Variants in NELL1 observed in about 807,000 individuals in gnomAD.
NELL1 encodes the protein neural EGFL like 1.
In NELL1, 76 loss-of-function variants were observed where a neutral mutation model predicts 107.4. The observed-to-expected ratio is 0.71, with a 90% CI of 0.59 to 0.86. The LOEUF is 0.86. Among genes scored for constraint, NELL1 ranks in the 40% least tolerant of loss-of-function variants. The pLI is 0.00. For missense variants in NELL1, 1,024 were observed against 1,005.5 expected, an observed-to-expected ratio of 1.02 and a Z score of -0.25; for synonymous variants, 353 against 341.2, an observed-to-expected ratio of 1.03 and a Z score of -0.38.
chr11:21,499,432 C>T (rs1333131148), intron 15 of NELL1, among the ~76,000 whole-genome samples: 1 of 152,072 alleles, frequency 6.6e-6, no homozygotes, highest in Non-Finnish European at 1.5e-5. Context: ...GCATCAATAA[C>T]ACATTATTTT....
At chr11:21,335,585 C>T (rs779226261) in intron 14 of NELL1, among the ~76,000 whole-genome samples, 22 of 152,068 alleles carry the variant, frequency 1.4e-4, no homozygotes, top group Non-Finnish European at 2.6e-4. Context: ...ATTCCCTTCA[C>T]AGGGGATCTT....
At chr11:20,876,846 T>C (rs189876776) in intron 4 of NELL1, among the ~76,000 whole-genome samples, 1 of 152,302 alleles carries the variant, frequency 6.6e-6, no homozygotes, top group East Asian at 1.9e-4. Flanking sequence ...CCTGTCACAG[T>C]CAGTAAACTT....
intron 12 of NELL1, among the ~76,000 whole-genome samples, chr11:21,110,302 G>T (rs549684971): frequency 6.6e-6 from 1 of 152,130 alleles, no homozygotes; most frequent in African/African-American, 2.4e-5. Context: ...CATCAGGGAC[G>T]TGTGGGCACA....
At chr11:20,730,958 G>A (rs1044545738) in intron 2 of NELL1, among the ~76,000 whole-genome samples, 6 of 152,176 alleles carry the variant, frequency 3.9e-5, no homozygotes, top group African/African-American at 1.4e-4. Context: ...CTGAGATTAG[G>A]GGAAGGATAC....
At chr11:21,309,280 GTATA>G (rs67629561) in intron 14 of NELL1, among the ~76,000 whole-genome samples, 26,463 of 108,376 alleles carry the variant, frequency 0.24, 3,602 homozygotes, top group South Asian at 0.45. Flanking sequence ...ATATATATAT[GTATA>G]TATATATATA....
chr11:20,701,294 G>A (rs1360759159), intron 2 of NELL1, among the ~76,000 whole-genome samples: 3 of 152,088 alleles, frequency 2.0e-5, no homozygotes, highest in Non-Finnish European at 4.4e-5. Context: ...TCTTTTGGCT[G>A]CATAAATGTC....
At chr11:20,992,866 C>T (rs1852007020) in intron 12 of NELL1, among the ~76,000 whole-genome samples, 1 of 152,040 alleles carries the variant, frequency 6.6e-6, no homozygotes, top group Admixed American at 6.6e-5. Context: ...AGGCATGCGC[C>T]ACCACACCTG....
At chr11:20,827,840 G>A (rs1264765144) in intron 3 of NELL1, among the ~76,000 whole-genome samples, 2 of 151,112 alleles carry the variant, frequency 1.3e-5, no homozygotes, top group African/African-American at 4.8e-5. Flanking sequence ...ATTCTCTGTG[G>A]GGGAGTGATG....
At chr11:20,888,313 T>A (rs1849550851) in intron 5 of NELL1, among the ~76,000 whole-genome samples, 1 of 151,906 alleles carries the variant, frequency 6.6e-6, no homozygotes, top group Admixed American at 6.6e-5. Flanking sequence ...TACGTATCTG[T>A]TTAATATGTG....
chr11:21,125,422 C>A (rs1160915236), intron 13 of NELL1, among the ~76,000 whole-genome samples: 1 of 151,988 alleles, frequency 6.6e-6, no homozygotes, highest in East Asian at 1.9e-4. Context: ...AATAATCTTT[C>A]TTTTGAAAGA....
chr11:20,876,959 T>C (rs886499900), intron 4 of NELL1, among the ~76,000 whole-genome samples: 7 of 152,110 alleles, frequency 4.6e-5, no homozygotes, highest in Non-Finnish European at 8.8e-5. Flanking sequence ...GCTTTTCTAG[T>C]GGGGCTCAAG....
rs143300037 is a variant in NELL1, at chr11:20,759,537, G to A, written c.185-24143G>A. Among the ~76,000 whole-genome samples, 112 of 152,254 alleles carry A rather than the reference G, an allele frequency of 7.4e-4. 1 individual carries two copies. Among genetic ancestry groups the A allele is most frequent in the Admixed American group, 3.3e-3 (51 of 15,296 alleles). ...AAGCATAACCTCTCGTGTTTTGTGCGTCATCTCAGGAATCTAAGTCTTTCT... is the reference window on the plus strand; with the variant it reads ...AAGCATAACCTCTCGTGTTTTGTGCATCATCTCAGGAATCTAAGTCTTTCT... On this transcript the variant is annotated intron_variant, in intron 2 of 19. Coordinates refer to ENST00000357134, the MANE Select transcript of NELL1 (RefSeq NM_006157.5).
At chr11:20,921,976 A>T (rs1850388798) in intron 7 of NELL1, among the ~76,000 whole-genome samples, 1 of 152,048 alleles carries the variant, frequency 6.6e-6, no homozygotes, top group South Asian at 2.1e-4. Context: ...TCAGGAAAGG[A>T]TTCTTTAAGG....
intron 14 of NELL1, among the ~76,000 whole-genome samples, chr11:21,354,876 C>T (rs1169664147): frequency 6.6e-6 from 1 of 152,154 alleles, no homozygotes; most frequent in Non-Finnish European, 1.5e-5. Context: ...ACTGTGACCT[C>T]CAGGGCTAAT....
chr11:21,176,019 CT>C (rs1432046584), intron 13 of NELL1, among the ~76,000 whole-genome samples: 1 of 151,772 alleles, frequency 6.6e-6, no homozygotes, highest in African/African-American at 2.4e-5. Flanking sequence ...AAAAGTCCTT[CT>C]TTTCCCCTAT....
At chr11:21,372,981 A>G (rs997843788) in intron 15 of NELL1, among the ~76,000 whole-genome samples, 1 of 152,080 alleles carries the variant, frequency 6.6e-6, no homozygotes, top group Admixed American at 6.6e-5. Flanking sequence ...AGACCAGGGA[A>G]AAAGTTAGAC....
At chr11:20,771,464 G>A (rs1174523946) in intron 2 of NELL1, among the ~76,000 whole-genome samples, 6 of 152,222 alleles carry the variant, frequency 3.9e-5, no homozygotes, top group Non-Finnish European at 1.5e-5. Flanking sequence ...GTGTGTGAGA[G>A]AAGACAATTT....
intron 2 of NELL1, among the ~76,000 whole-genome samples, chr11:20,694,394 T>C (rs557709654): frequency 2.0e-5 from 3 of 152,242 alleles, no homozygotes; most frequent in South Asian, 4.1e-4. Context: ...TTTTTATAGT[T>C]TGAGGTCTTA....
intron 15 of NELL1, among the ~76,000 whole-genome samples, chr11:21,374,887 C>CTGTGTGTGTGTGTGTGTG (rs10566953): frequency 7.0e-6 from 1 of 143,758 alleles, no homozygotes; most frequent in Non-Finnish European, 1.5e-5. Context: ...CTGTGTGTGT[C>CTGTGTGTGTGTGTGTGTG]TGTGTGTGTG....
Sources: gnomAD v4.1 joint callset for allele counts (sites outside exome capture counted in the v4.1 genomes callset) on GRCh38, gnomAD v4.1.1 for gene constraint, MANE v1.5 for transcripts, NCBI Gene and HGNC (gene_info 2026-07-23, HGNC 2026-07-21) for gene names.